SLC25A35: variants seen among roughly 807,000 people sequenced by gnomAD.
SLC25A35 encodes the protein solute carrier family 25, member 35.
In SLC25A35, 32 loss-of-function variants were observed where a neutral mutation model predicts 30.5. That is an observed-to-expected ratio of 1.05 (90% CI 0.79 to 1.41). The LOEUF (loss-of-function observed/expected upper bound fraction) is 1.41, where lower values mean the gene tolerates loss of function less well. Ranked by LOEUF, SLC25A35 falls within the 40% of genes most tolerant of loss-of-function variation. The pLI is 0.00. For synonymous variants in SLC25A35, 142 were observed against 158.1 expected, an observed-to-expected ratio of 0.90 and a Z score of 0.77; for missense variants, 369 against 388.0, an observed-to-expected ratio of 0.95 and a Z score of 0.41.
downstream of SLC25A35, chr17:8,289,316 G>A (rs928122570): frequency 1.2e-6 from 2 of 1,614,166 alleles, no homozygotes; most frequent in Non-Finnish European, 1.7e-6. Flanking sequence ...TGTGGAGTCT[G>A]TTCAGCCTCT....
At chr17:8,293,613 C>G (rs1481857405) in intron 1 of SLC25A35, among the ~76,000 whole-genome samples, 3 of 150,512 alleles carry the variant, frequency 2.0e-5, no homozygotes, top group African/African-American at 7.3e-5. Flanking sequence ...GTGCAGTGGC[C>G]GGATCTCAGC....
downstream of SLC25A35, chr17:8,288,836 C>T (rs1276883848): frequency 6.2e-7 from 1 of 1,614,234 alleles, no homozygotes; most frequent in Non-Finnish European, 8.5e-7. Flanking sequence ...CCTTTTCCGC[C>T]ATCCTCCCCA....
downstream of SLC25A35, chr17:8,288,306 G>T (rs1990211467): frequency 5.7e-6 from 1 of 176,852 alleles, no homozygotes; most frequent in Non-Finnish European, 1.2e-5. Flanking sequence ...AATTTAGCCG[G>T]GCGTGGTGGC....
chr17:8,292,065 C>T (rs1277599428), intron 2 of SLC25A35, among the ~76,000 whole-genome samples: 1 of 152,176 alleles, frequency 6.6e-6, no homozygotes, highest in East Asian at 1.9e-4. Flanking sequence ...GGCTGTAATC[C>T]CAGCTACTCA....
intron 2 of SLC25A35, among the ~76,000 whole-genome samples, chr17:8,291,909 T>G (rs1473554781): frequency 6.6e-6 from 1 of 150,744 alleles, no homozygotes; most frequent in Non-Finnish European, 1.5e-5. Context: ...AATTGCCGGG[T>G]GCAGTGGCTC....
Position 8,294,508 on chromosome 17 carries a change from G to T in SLC25A35, c.300C>A (p.His100Gln). Residue 100 changes from histidine to glutamine, a missense_variant, in exon 1 of 5, where the codon CAC becomes CAA. His to Gln is a conservative substitution (Grantham distance 24). Transcript: ENST00000577745. ...CAGCTGCTGCGCTGCGGGCAGGACT[G>T]TGGGTGCCTTCGGCTGTGTGCAGGT... ...GGYLHTAEGT[H>Q]SPARSAAAGA... The T allele has an allele frequency of 6.2e-7, 1 of 1,613,668 alleles. No homozygotes were observed. Among genetic ancestry groups the T allele is most frequent in the East Asian group, 2.2e-5 (1 of 44,878 alleles).
downstream of SLC25A35, chr17:8,289,855 T>G (rs1990344973): frequency 3.1e-6 from 5 of 1,614,056 alleles, no homozygotes; most frequent in South Asian, 5.5e-5. Flanking sequence ...ATCTGTCACC[T>G]GCACCCTGGA....
At chr17:8,289,703 C>A (rs1325937691), downstream of SLC25A35, 25 of 1,611,706 alleles carry the variant, frequency 1.6e-5, 1 homozygote, top group South Asian at 3.3e-5. Context: ...CAGGAGTGGG[C>A]CAGAGGTTTG....
Position 8,290,370 on chromosome 17 carries a change from G to T in SLC25A35, c.*135C>A. ...ATCTCTTGTAGTGATTCAACCCTGA[G>T]AACAGATGGGGAGTGGGGTTGGCTG... On this transcript the variant is annotated 3_prime_UTR_variant, in exon 5 of 5. Coordinates refer to ENST00000577745, the MANE Select transcript of SLC25A35 (RefSeq NM_001320870.2). 6.9e-7 allele frequency: 1 copy of T among 1,452,420 alleles called. No individual in the cohort carries two copies. Among genetic ancestry groups the T allele is most frequent in the East Asian group, 2.5e-5 (1 of 40,224 alleles). The allele number at this position is 1,452,420 out of a possible 1,614,324, so 90.0% of individuals were successfully genotyped here.
downstream of SLC25A35, chr17:8,289,619 T>C (rs777633905): frequency 9.9e-6 from 16 of 1,608,606 alleles, no homozygotes; most frequent in Non-Finnish European, 8.5e-6. Context: ...GGGTATCTCA[T>C]GACTGGGTTC....
In SLC25A35 at chr17:8,290,575, C is replaced by T. The variant is rs1383095612; in HGVS notation, c.833G>A (p.Gly278Asp). 1 of 1,536,076 alleles carries T rather than the reference C, an allele frequency of 6.5e-7. No individual in the cohort carries two copies. Among genetic ancestry groups the T allele is most frequent in the South Asian group, 1.2e-5 (1 of 84,080 alleles). The change falls in exon 5 of 5, where the codon GGC (glycine) becomes GAC (aspartate). Residue 278 changes from glycine (G) to aspartate (D), a missense_variant. Physicochemically the swap from Gly to Asp is moderately conservative, Grantham distance 94. Transcript: ENST00000577745. ...KGIGASYFRL[G>D]PHTILSLFFW... ...GAAGAGGGAGAGGATGGTGTGGGGGCCGAGGCGGAAGTAGGAGGCACCTAT... is the reference window on the plus strand; with the variant it reads ...GAAGAGGGAGAGGATGGTGTGGGGGTCGAGGCGGAAGTAGGAGGCACCTAT...
At chr17:8,291,147 C>CTCAGG (rs1990465577) in intron 3 of SLC25A35, among the ~76,000 whole-genome samples, 171 bp from the exon 4 acceptor site, 1 of 152,162 alleles carries the variant, frequency 6.6e-6, no homozygotes, top group Non-Finnish European at 1.5e-5. Context: ...ACCCTGAAGG[C>CTCAGG]TCAGGTACCC....
At chr17:8,289,158 G>C, downstream of SLC25A35, 1 of 1,600,330 alleles carries the variant, frequency 6.2e-7, no homozygotes, top group Non-Finnish European at 8.6e-7. Context: ...AATCCGGGCG[G>C]TGAGACCACG....
chr17:8,289,511 G>C, downstream of SLC25A35: 1 of 1,614,194 alleles, frequency 6.2e-7, no homozygotes, highest in Non-Finnish European at 8.5e-7. Context: ...AGGTAGCAAA[G>C]GACGTGACAC....
In SLC25A35 at chr17:8,295,381, GCCGCCA is replaced by G; in HGVS notation, c.-580_-575del. 1 of 985,218 alleles carries G rather than the reference GCCGCCA, an allele frequency of 1.0e-6. No homozygotes were observed. The highest frequency in any genetic ancestry group is 1.7e-5 in the African/African-American group (1 of 57,352). 61.0% of individuals were successfully genotyped at this position (985,218 alleles called of 1,614,324 possible). ...ACCCCGGGTAGCCTGCGGAGGCCGGGCCGCCACACTCCTGCCACTGGAGCGCGGGGC... is the reference window on the plus strand; with the variant it reads ...ACCCCGGGTAGCCTGCGGAGGCCGGGCACTCCTGCCACTGGAGCGCGGGGC... On this transcript the variant is annotated 5_prime_UTR_variant, in exon 1 of 5. Transcript: ENST00000577745.
At chr17:8,289,254 C>G, downstream of SLC25A35, 2 of 1,613,396 alleles carry the variant, frequency 1.2e-6, no homozygotes, top group Non-Finnish European at 1.7e-6. Flanking sequence ...CTTCCCTACT[C>G]CAGGTACCAC....
Position 8,290,416 on chromosome 17 carries a change from G to A in SLC25A35, c.*89C>T, listed in dbSNP as rs1990392363. The stretch of plus-strand genomic sequence containing the variant: ...GGCTGTCCCCCATGGATGGATGAAA[G>A]GTCACCTAATCAGTAGTCACCAGGA... On this transcript the variant is annotated 3_prime_UTR_variant, in exon 5 of 5. Transcript: ENST00000577745. 1 of 1,486,708 alleles carries A rather than the reference G, an allele frequency of 6.7e-7. No homozygotes were observed. The highest frequency in any genetic ancestry group is 8.9e-7 in the Non-Finnish European group (1 of 1,120,550). 92.1% of individuals were successfully genotyped at this position (1,486,708 alleles called of 1,614,324 possible).
Position 8,290,266 on chromosome 17 carries a change from C to A in SLC25A35, c.*239G>T, listed in dbSNP as rs987202474. 3 of 1,425,824 alleles carry A rather than the reference C, an allele frequency of 2.1e-6. No individual in the cohort carries two copies. Among genetic ancestry groups the A allele is most frequent in the South Asian group, 3.1e-5 (2 of 64,982 alleles). The allele number at this position is 1,425,824 out of a possible 1,614,324, so 88.3% of individuals were successfully genotyped here. Reference sequence around the variant, plus strand: ...ATACACTTTGGGATGACTCGTTCAGCCCTGAGAGAGGGGTGTGAGTTACCC... The same window carrying A: ...ATACACTTTGGGATGACTCGTTCAGACCTGAGAGAGGGGTGTGAGTTACCC... On this transcript the variant is annotated 3_prime_UTR_variant, in exon 5 of 5. Coordinates refer to ENST00000577745, the MANE Select transcript of SLC25A35 (RefSeq NM_001320870.2).
At chr17:8,289,771 G>A, downstream of SLC25A35, 1 of 1,613,652 alleles carries the variant, frequency 6.2e-7, no homozygotes, top group Non-Finnish European at 8.5e-7. Context: ...CAAACCTCAG[G>A]CCTGGATGAT....
Sources: gnomAD v4.1 joint callset for allele counts (sites outside exome capture counted in the v4.1 genomes callset) on GRCh38, gnomAD v4.1.1 for gene constraint, MANE v1.5 for transcripts, NCBI Gene and HGNC (gene_info 2026-07-23, HGNC 2026-07-21) for gene names.